The following PPP1R15B variants were observed in gnomAD, a reference collection of about 807,000 sequenced individuals.
PPP1R15B encodes the protein protein phosphatase 1 regulatory subunit 15B, also known as protein phosphatase 1, regulatory (inhibitor) subunit 15B.
PPP1R15B carries 31 observed loss-of-function variants against 53.9 expected under a neutral mutation model. The observed-to-expected ratio is 0.58, with a 90% CI of 0.43 to 0.78. PPP1R15B has a LOEUF of 0.78. PPP1R15B is among the 30% of genes least tolerant of loss of function. PPP1R15B has a pLI of 0.00. For synonymous variants in PPP1R15B, 345 were observed against 329.1 expected (o/e 1.05, Z -0.52); for missense variants, 928 against 849.6 (o/e 1.09, Z -1.15).
downstream of PPP1R15B, among the ~76,000 whole-genome samples, chr1:204,395,898 TTA>T (rs1029355580): frequency 2.0e-5 from 3 of 152,226 alleles, no homozygotes; most frequent in Non-Finnish European, 4.4e-5. Context: ...ATGTATATGT[TTA>T]TATGTTTATA....
chr1:204,409,977 TC>T lies in PPP1R15B; in HGVS notation c.1434del (p.Trp478Ter). 1 of 1,614,184 alleles carries T rather than the reference TC, an allele frequency of 6.2e-7. No individual in the cohort carries two copies. Among genetic ancestry groups the T allele is most frequent in the South Asian group, 1.1e-5 (1 of 91,090 alleles). On this transcript the variant is annotated frameshift_variant, in exon 1 of 2. Coordinates refer to ENST00000367188, the MANE Select transcript of PPP1R15B (RefSeq NM_032833.5). LOFTEE classifies it high-confidence loss of function. ...LEQDPEGLHL[W>X]NSFCSVDPYN... ...TAAGGATCTACACTGCAGAAAGAGT[TC>T]CAAAGGTGAAGCCCTTCAGGGTCTT...
In PPP1R15B at chr1:204,411,702, C is replaced by T. The variant is rs578052656; in HGVS notation, c.-291G>A. 2 of 493,762 alleles carry T rather than the reference C, an allele frequency of 4.1e-6. No homozygotes were observed. The highest frequency in any genetic ancestry group is 7.2e-6 in the Non-Finnish European group (2 of 276,944). The allele number at this position is 493,762 out of a possible 1,614,324, so 30.6% of individuals were successfully genotyped here. A position where few individuals can be genotyped will look rare whatever the true frequency, so the allele number is the denominator to read the frequency against. ...CGCTTCAACACCATGGATAGGAGTC[C>T]CCCCACGGCCTCGGCGATGGTTTTC... On this transcript the variant is annotated 5_prime_UTR_variant, in exon 1 of 2. Transcript: ENST00000367188.
downstream of PPP1R15B, among the ~76,000 whole-genome samples, chr1:204,399,082 G>A (rs1322728529): frequency 6.6e-6 from 1 of 152,178 alleles, no homozygotes; most frequent in Non-Finnish European, 1.5e-5. Context: ...GGTCAGACAA[G>A]GCTGTGTGGA....
chr1:204,411,751 C>A lies in PPP1R15B; in HGVS notation c.-340G>T. 2.8e-6 allele frequency: 1 copy of A among 361,548 alleles called. No homozygotes were observed. The highest frequency in any genetic ancestry group is 5.1e-6 in the Non-Finnish European group (1 of 195,548). 22.4% of individuals were successfully genotyped at this position (361,548 alleles called of 1,614,324 possible). A position where few individuals can be genotyped will look rare whatever the true frequency, so the allele number is the denominator to read the frequency against. ...TCCGACTGACAGAGGGTTGAAAAGC[C>A]CCTGAGCAACGCGATACCGGAAGGA... On this transcript the variant is annotated 5_prime_UTR_variant, in exon 1 of 2. Coordinates refer to ENST00000367188, the MANE Select transcript of PPP1R15B (RefSeq NM_032833.5).
intron 1 of PPP1R15B, among the ~76,000 whole-genome samples, chr1:204,406,957 G>A (rs1048363540): frequency 6.6e-6 from 1 of 151,822 alleles, no homozygotes. Context: ...TCCAGATAGG[G>A]AATTGAATTT....
Position 204,411,045 on chromosome 1 carries a change from A to G in PPP1R15B, c.367T>C (p.Ser123Pro), listed in dbSNP as rs759190046. 1 of 1,614,060 alleles carries G rather than the reference A, an allele frequency of 6.2e-7. No individual in the cohort carries two copies. The highest frequency in any genetic ancestry group is 8.5e-7 in the Non-Finnish European group (1 of 1,179,992). The change falls in exon 1 of 2, where the codon TCT (serine) becomes CCT (proline). Residue 123 changes from serine (S) to proline (P), a missense_variant. Transcript: ENST00000367188. ...EKPAAPTAQK[S>P]LSSLQLDSSD... Reference sequence around the variant, plus strand: ...GAGTCGAGCTGCAGCGAACTCAAAGATTTCTGCGCTGTGGGGGCGGCTGGT... The same window carrying G: ...GAGTCGAGCTGCAGCGAACTCAAAGGTTTCTGCGCTGTGGGGGCGGCTGGT...
At chr1:204,409,063 A>G (rs1486640248) in intron 1 of PPP1R15B, among the ~76,000 whole-genome samples, 1 of 152,242 alleles carries the variant, frequency 6.6e-6, no homozygotes, top group African/African-American at 2.4e-5. Flanking sequence ...TATGCAAAAA[A>G]AATATTAAGT....
In PPP1R15B at chr1:204,405,598, T is replaced by A. The variant is rs191944426; in HGVS notation, c.*494A>T. 17 of 980,002 alleles carry A rather than the reference T, an allele frequency of 1.7e-5. No individual in the cohort carries two copies. The Admixed American group carries it at 1.0e-3, about 60-fold the overall frequency. 60.7% of individuals were successfully genotyped at this position (980,002 alleles called of 1,614,324 possible). A position where few individuals can be genotyped will look rare whatever the true frequency, so the allele number is the denominator to read the frequency against. Reference sequence around the variant, plus strand: ...CACAAGGTTATTTTTTAGCCTAACATAGACAGGCCAAATCATTGAAATAAA... The same window carrying A: ...CACAAGGTTATTTTTTAGCCTAACAAAGACAGGCCAAATCATTGAAATAAA... On this transcript the variant is annotated 3_prime_UTR_variant, in exon 2 of 2. Transcript: ENST00000367188.
downstream of PPP1R15B, among the ~76,000 whole-genome samples, chr1:204,398,181 A>T (rs191989474): frequency 6.6e-6 from 1 of 152,300 alleles, no homozygotes; most frequent in East Asian, 1.9e-4. Context: ...GAACAGTGAT[A>T]AAAAAGTATA....
In PPP1R15B at chr1:204,405,388, TAG is replaced by T. The variant is rs1040617696; in HGVS notation, c.*702_*703del. 1 of 985,142 alleles carries T rather than the reference TAG, an allele frequency of 1.0e-6. No individual in the cohort carries two copies. Among genetic ancestry groups the T allele is most frequent in the Non-Finnish European group, 1.2e-6 (1 of 829,800 alleles). The allele number at this position is 985,142 out of a possible 1,614,324, so 61.0% of individuals were successfully genotyped here. ...AAATATATTAGATGTTAAAATGTGG[TAG>T]AAAGATGCAGCTTTCCCAAAGTAGT... is the stretch of plus-strand genomic sequence containing the variant. On this transcript the variant is annotated 3_prime_UTR_variant, in exon 2 of 2. Coordinates refer to ENST00000367188, the MANE Select transcript of PPP1R15B (RefSeq NM_032833.5).
At chr1:204,397,118 G>A (rs1242250876), downstream of PPP1R15B, among the ~76,000 whole-genome samples, 1 of 152,094 alleles carries the variant, frequency 6.6e-6, no homozygotes, top group African/African-American at 2.4e-5. Context: ...AGCCCAGGAG[G>A]TTGAGGCTGA....
At chr1:204,398,694 T>G (rs12097626), downstream of PPP1R15B, among the ~76,000 whole-genome samples, 1 of 152,028 alleles carries the variant, frequency 6.6e-6, no homozygotes, top group African/African-American at 2.4e-5. Flanking sequence ...TAATAACAGG[T>G]GTCCATCAGG....
Position 204,409,621 on chromosome 1 carries a change from G to A in PPP1R15B, c.1791C>T (p.Ala597=), listed in dbSNP as rs371579202. The change falls in exon 1 of 2, where the codon GCC becomes GCT. Residue 597 remains alanine, a synonymous_variant. Transcript: ENST00000367188. The part of the protein sequence containing the change: ...DSKTPSESIV[A]ISECHTLLSC... ...AAAGTAAGGTGTGACACTCAGAAAT[G>A]GCCACAATGGACTCAGATGGGGTCT... 1.6e-4 allele frequency: 256 copies of A among 1,613,960 alleles called. No individual in the cohort carries two copies. The highest frequency in any genetic ancestry group is 2.5e-4 in the South Asian group (23 of 91,080).
downstream of PPP1R15B, among the ~76,000 whole-genome samples, chr1:204,402,352 A>C (rs1191755739): frequency 6.6e-6 from 1 of 152,080 alleles, no homozygotes; most frequent in Non-Finnish European, 1.5e-5. Context: ...TTTTTTTCTG[A>C]TAACATTTAT....
Position 204,410,800 on chromosome 1 carries a change from G to C in PPP1R15B, c.612C>G (p.Pro204=). The change falls in exon 1 of 2, where the codon CCC becomes CCG. Residue 204 remains proline (P), a synonymous_variant. Transcript: ENST00000367188. ...LYSNRELGSS[P]SGPLNIQRID... is the part of the protein sequence containing the mutation. ...TGCGTTGAATGTTTAGAGGCCCAGA[G>C]GGCGAAGAGCCAAGTTCCCGGTTAG... 6.2e-7 allele frequency: 1 copy of C among 1,614,244 alleles called. No individual in the cohort carries two copies. Among genetic ancestry groups the C allele is most frequent in the Non-Finnish European group, 8.5e-7 (1 of 1,180,046 alleles).
chr1:204,405,711 A>G lies in PPP1R15B; in HGVS notation c.*381T>C. 1 of 993,058 alleles carries G rather than the reference A, an allele frequency of 1.0e-6. No homozygotes were observed. The highest frequency in any genetic ancestry group is 1.7e-5 in the African/African-American group (1 of 57,490). 61.5% of individuals were successfully genotyped at this position (993,058 alleles called of 1,614,324 possible). A position where few individuals can be genotyped will look rare whatever the true frequency, so the allele number is the denominator to read the frequency against. The stretch of plus-strand genomic sequence containing the variant: ...GCCCAAAGTTTTCAGATAGGCACAC[A>G]TAATTTAGATTAGAAATGAAAATGG... On this transcript the variant is annotated 3_prime_UTR_variant, in exon 2 of 2. Coordinates refer to ENST00000367188, the MANE Select transcript of PPP1R15B (RefSeq NM_032833.5).
downstream of PPP1R15B, among the ~76,000 whole-genome samples, chr1:204,398,576 G>A (rs924501247): frequency 6.6e-6 from 1 of 152,210 alleles, no homozygotes; most frequent in Non-Finnish European, 1.5e-5. Flanking sequence ...CAAAAAGGTG[G>A]AGTCACACTG....
At chr1:204,407,452 T>G (rs1245948983) in intron 1 of PPP1R15B, among the ~76,000 whole-genome samples, 1 of 152,218 alleles carries the variant, frequency 6.6e-6, no homozygotes, top group Non-Finnish European at 1.5e-5. Flanking sequence ...AGTTTCTTTC[T>G]AAGATATCAA....
Position 204,410,956 on chromosome 1 carries a change from C to G in PPP1R15B, c.456G>C (p.Ser152=). 1 of 1,614,030 alleles carries G rather than the reference C, an allele frequency of 6.2e-7. No individual in the cohort carries two copies. Among genetic ancestry groups the G allele is most frequent in the Non-Finnish European group, 8.5e-7 (1 of 1,179,980 alleles). ...WLEEGIHWQY[S]PPDLKLELKA... Reference sequence around the variant, plus strand: ...TAAGCTCCAATTTTAGGTCTGGGGGCGAGTATTGCCAGTGGATCCCCTCCT... The same window carrying G: ...TAAGCTCCAATTTTAGGTCTGGGGGGGAGTATTGCCAGTGGATCCCCTCCT... The change falls in exon 1 of 2, where the codon TCG becomes TCC. Residue 152 remains serine, a synonymous_variant. Coordinates refer to ENST00000367188, the MANE Select transcript of PPP1R15B (RefSeq NM_032833.5).
Sources: gnomAD v4.1 joint callset for allele counts (sites outside exome capture counted in the v4.1 genomes callset) on GRCh38, gnomAD v4.1.1 for gene constraint, MANE v1.5 for transcripts, NCBI Gene and HGNC (gene_info 2026-07-23, HGNC 2026-07-21) for gene names.